The following RBM12B variants were observed in gnomAD, a reference collection of about 807,000 sequenced individuals.
RBM12B encodes RNA binding motif protein 12B.
In RBM12B, 10 loss-of-function variants were observed where a neutral mutation model predicts 34.3. That is an observed-to-expected ratio of 0.29 (90% CI 0.18 to 0.49). RBM12B has a LOEUF of 0.49. RBM12B is among the 20% of genes least tolerant of loss of function. The probability of loss-of-function intolerance (pLI) is 0.99; values close to 1 mark genes in which losing one functional copy is unlikely to be tolerated. For synonymous variants in RBM12B, 477 were observed against 437.1 expected (o/e 1.09, Z -1.14); for missense variants, 1,139 against 1,262.7 (o/e 0.90, Z 1.48).
chr8:93,738,071 C>T (rs892044955), intron 2 of RBM12B, among the ~76,000 whole-genome samples: 2 of 152,154 alleles, frequency 1.3e-5, no homozygotes, highest in Non-Finnish European at 2.9e-5. Flanking sequence ...ATAAACAGCT[C>T]ATACATCCAA....
Position 93,735,328 on chromosome 8 carries a change from T to C in RBM12B, c.1083A>G (p.Lys361=). Residue 361 remains lysine, a synonymous_variant, in exon 4 of 4, where the codon AAA becomes AAG. Transcript: ENST00000520560. ...AACGTGCAATGAACTTCAGCATTTGTTTTCTAGAAATTGGATCAATATGAA... is the reference window on the plus strand; with the variant it reads ...AACGTGCAATGAACTTCAGCATTTGCTTTCTAGAAATTGGATCAATATGAA... ...RPVHIDPISR[K]QMLKFIARYE... The C allele has an allele frequency of 6.2e-7, 1 of 1,614,026 alleles. No homozygotes were observed. The highest frequency in any genetic ancestry group is 8.5e-7 in the Non-Finnish European group (1 of 1,180,020).
In RBM12B at chr8:93,733,664, T is replaced by C. The variant is rs1449863751; in HGVS notation, c.2747A>G (p.Lys916Arg). ...FPEGRFMPDP[K>R]INCGSGRVTP... is the part of the protein sequence containing the mutation. ...TACTCTACCTGAACCACAATTTATT[T>C]TTGGATCAGGCATAAATCTCCCCTC... Residue 916 changes from lysine (K) to arginine (R), a missense_variant, in exon 4 of 4, where the codon AAA becomes AGA. Coordinates refer to ENST00000520560, the MANE Select transcript of RBM12B (RefSeq NM_001377960.1). 88 of 1,613,940 alleles carry C rather than the reference T, an allele frequency of 5.5e-5. No individual in the cohort carries two copies. The highest frequency in any genetic ancestry group is 7.2e-5 in the Non-Finnish European group (85 of 1,180,036).
Position 93,736,452 on chromosome 8 carries a change from G to A in RBM12B, c.-28-14C>T. 6.7e-7 allele frequency: 1 copy of A among 1,501,218 alleles called. No homozygotes were observed. Among genetic ancestry groups the A allele is most frequent in the Non-Finnish European group, 8.8e-7 (1 of 1,133,648 alleles). The allele number at this position is 1,501,218 out of a possible 1,614,324, so 93.0% of individuals were successfully genotyped here. On this transcript the variant is annotated splice_polypyrimidine_tract_variant and intron_variant, in intron 3 of 3. Coordinates refer to ENST00000520560, the MANE Select transcript of RBM12B (RefSeq NM_001377960.1). ...AGCAATAATGACCTGCAGACAAAAA[G>A]GTACACATAATAGCAAGTCTTATTT...
chr8:93,735,290 CTCT>C lies in RBM12B; in HGVS notation c.1118_1120del (p.Lys373del), dbSNP rs764449240. ...CCTATCTCTCTCTAGTGACCCTGAT[CTCT>C]TCTTTTCATAACGTGCAATGAACTT... On this transcript the variant is annotated inframe_deletion, in exon 4 of 4. Transcript: ENST00000520560. 4.3e-6 allele frequency: 7 copies of C among 1,613,972 alleles called. No homozygotes were observed. In the South Asian group the frequency reaches 5.5e-5, roughly 13 times the overall value.
At chr8:93,740,739 G>C (rs1464968207) in intron 1 of RBM12B, 43 bp from the exon 2 acceptor site, 2 of 355,252 alleles carry the variant, frequency 5.6e-6, no homozygotes, top group East Asian at 1.5e-4. Flanking sequence ...AGAAAAGAGG[G>C]TGCCCTAACG....
Position 93,735,347 on chromosome 8 carries a change from A to G in RBM12B, c.1064T>C (p.Ile355Thr). 2 of 1,614,030 alleles carry G rather than the reference A, an allele frequency of 1.2e-6. No individual in the cohort carries two copies. Among genetic ancestry groups the G allele is most frequent in the Admixed American group, 1.7e-5 (1 of 60,032 alleles). ...CATTTGTTTTCTAGAAATTGGATCAATATGAACTGGACGATATTGTAAAAC... is the reference window on the plus strand; with the variant it reads ...CATTTGTTTTCTAGAAATTGGATCAGTATGAACTGGACGATATTGTAAAAC... ...KTVLQYRPVH[I>T]DPISRKQMLK... is the part of the protein sequence containing the mutation. The change falls in exon 4 of 4, where the codon ATT becomes ACT. Residue 355 changes from isoleucine (I) to threonine (T), a missense_variant. Transcript: ENST00000520560.
rs377019938 is a variant in RBM12B at position 93,735,059 on chromosome 8, T to A, written c.1352A>T (p.Glu451Val). 1 of 1,614,068 alleles carries A rather than the reference T, an allele frequency of 6.2e-7. No homozygotes were observed. Among genetic ancestry groups the A allele is most frequent in the Non-Finnish European group, 8.5e-7 (1 of 1,180,050 alleles). ...LGEALVKFKS[E>V]EQAMKAERLN... is the part of the protein sequence containing the mutation. ...ACGTTCAGCTTTCATGGCCTGTTCT[T>A]CTGATTTAAATTTCACTAATGCTTC... The change falls in exon 4 of 4, where the codon GAA becomes GTA. Residue 451 changes from glutamate to valine, a missense_variant. Glu to Val is a moderately radical substitution (Grantham distance 121). Around this residue, in one of 3 missense-constraint regions of RBM12B, gnomAD observed 863 missense variants for 869.5 expected, o/e 0.99. Coordinates refer to ENST00000520560, the MANE Select transcript of RBM12B (RefSeq NM_001377960.1).
chr8:93,734,234 G>C lies in RBM12B; in HGVS notation c.2177C>G (p.Pro726Arg). The change falls in exon 4 of 4, where the codon CCA (proline) becomes CGA (arginine). Residue 726 changes from proline to arginine, a missense_variant. Pro to Arg is a moderately radical substitution (Grantham distance 103, BLOSUM62 -2). Transcript: ENST00000520560. ...RQSPQEHFRR[P>R]PQEHFRRPPP... is the part of the protein sequence containing the mutation. ...TGGCCGACGGAAATGCTCCTGAGGT[G>C]GCCTCCGGAAATGCTCCTGGGGTGA... The C allele has an allele frequency of 2.5e-6, 4 of 1,606,398 alleles. No individual in the cohort carries two copies. The highest frequency in any genetic ancestry group is 2.6e-6 in the Non-Finnish European group (3 of 1,175,554).
rs369223333 is a variant in RBM12B, at chr8:93,733,786, C to T, written c.2625G>A (p.Pro875=). The part of the protein sequence containing the change: ...FRPPGEDFRS[P]PDDFRSHRPF... ...GGCGGTGACTTCTAAAATCATCAGGCGGGCTCCTAAAATCCTCACCAGGAG... is the reference window on the plus strand; with the variant it reads ...GGCGGTGACTTCTAAAATCATCAGGTGGGCTCCTAAAATCCTCACCAGGAG... Residue 875 remains proline (P), a synonymous_variant, in exon 4 of 4, where the codon CCG becomes CCA. Transcript: ENST00000520560. 1.2e-5 allele frequency: 20 copies of T among 1,614,000 alleles called. No homozygotes were observed. Among genetic ancestry groups the T allele is most frequent in the East Asian group, 2.2e-5 (1 of 44,890 alleles).
intron 2 of RBM12B, 67 bp downstream of exon 2, chr8:93,740,562 C>A (rs1052884146): frequency 2.2e-6 from 1 of 455,380 alleles, no homozygotes; most frequent in Non-Finnish European, 4.4e-6. Flanking sequence ...TCAAGCCTAA[C>A]GAGCTGGGCC....
At position 93,734,958 on chromosome 8, in the gene RBM12B, C is replaced by A; in HGVS notation, c.1453G>T (p.Val485Leu). 1 of 1,614,094 alleles carries A rather than the reference C, an allele frequency of 6.2e-7. No individual in the cohort carries two copies. The highest frequency in any genetic ancestry group is 8.5e-7 in the Non-Finnish European group (1 of 1,180,010). The change falls in exon 4 of 4, where the codon GTA (valine) becomes TTA (leucine). Residue 485 changes from valine (V) to leucine (L), a missense_variant. By Grantham distance (32) the Val-to-Leu change is conservative. Transcript: ENST00000520560. ...ISEAQIQEFG[V>L]NFSVMSSEKM... is the part of the protein sequence containing the mutation. ...TCACTGGACATCACAGAAAAATTTA[C>A]ACCAAACTCCTGTATTTGTGCCTCA...
intron 2 of RBM12B, chr8:93,738,916 A>G (rs1272914714): frequency 6.6e-6 from 1 of 152,246 alleles, no homozygotes; most frequent in Admixed American, 6.5e-5. Context: ...ATTAACCAGA[A>G]GCTAAACTAG....
intron 2 of RBM12B, 41 bp downstream of exon 2, chr8:93,740,588 C>T (rs1385729169): frequency 1.3e-5 from 6 of 449,766 alleles, no homozygotes; most frequent in South Asian, 7.8e-5. Flanking sequence ...CGCTTTTCTG[C>T]CACCACTGAC....
rs368945852 is a variant in RBM12B at position 93,734,164 on chromosome 8, C to A, written c.2247G>T (p.Arg749=). 1.3e-5 allele frequency: 20 copies of A among 1,569,568 alleles called. No individual in the cohort carries two copies. The highest frequency in any genetic ancestry group is 5.5e-5 in the African/African-American group (4 of 73,346). Residue 749 remains arginine, a synonymous_variant, in exon 4 of 4, where the codon CGG becomes CGT. Coordinates refer to ENST00000520560, the MANE Select transcript of RBM12B (RefSeq NM_001377960.1). ...FRRPPPEHFR[R]PPPEHFRRPP... is the part of the protein sequence containing the mutation. ...GCCGCCGGAAGTGCTCTGGGGGAGG[C>A]CGCCTAAAATGCTCTGGAGGTGGTC...
Position 93,734,914 on chromosome 8 carries a change from T to C in RBM12B, c.1497A>G (p.Ser499=). The part of the protein sequence containing the change: ...VMSSEKMQAR[S]QSRERGDHSH... ...AATGGTCACCTCGCTCACGTGACTG[T>C]GAGCGAGCTTGCATTTTTTCACTGG... is the stretch of plus-strand genomic sequence containing the variant. The change falls in exon 4 of 4, where the codon TCA becomes TCG. Residue 499 remains serine, a synonymous_variant. Coordinates refer to ENST00000520560, the MANE Select transcript of RBM12B (RefSeq NM_001377960.1). The C allele has an allele frequency of 6.2e-7, 1 of 1,614,098 alleles. No homozygotes were observed. Among genetic ancestry groups the C allele is most frequent in the Non-Finnish European group, 8.5e-7 (1 of 1,179,982 alleles).
Position 93,740,624 on chromosome 8 carries a change from T to TTTTTATTG in RBM12B, c.-78+4_-78+5insCAATAAAA. Reference sequence around the variant, plus strand: ...TACGATGACATAGCAAAGAAAAAAATATACCTATGAAATCCTTCGAGATCT... The same window carrying TTTTTATTG: ...TACGATGACATAGCAAAGAAAAAAATTTTTATTGATACCTATGAAATCCTTCGAGATCT... On this transcript the variant is annotated splice_donor_region_variant and intron_variant, in intron 2 of 3. Transcript: ENST00000520560. The TTTTTATTG allele has an allele frequency of 2.4e-6, 1 of 412,892 alleles. No individual in the cohort carries two copies. Among genetic ancestry groups the TTTTTATTG allele is most frequent in the Non-Finnish European group, 4.8e-6 (1 of 207,264 alleles). 25.6% of individuals were successfully genotyped at this position (412,892 alleles called of 1,614,324 possible). A position where few individuals can be genotyped will look rare whatever the true frequency, so the allele number is the denominator to read the frequency against.
rs1811795978 is a variant in RBM12B, at chr8:93,731,628, G to A, written c.*1777C>T. On this transcript the variant is annotated 3_prime_UTR_variant, in exon 4 of 4. Coordinates refer to ENST00000520560, the MANE Select transcript of RBM12B (RefSeq NM_001377960.1). ...GAAAAGTAACACAAAAATACATATA[G>A]GTAGTAACTAAGTACTGACAAAGTA... is the stretch of plus-strand genomic sequence containing the variant. 1.3e-5 allele frequency: 2 copies of A among 152,036 alleles called. No homozygotes were observed. Among genetic ancestry groups the A allele is most frequent in the South Asian group, 4.1e-4 (2 of 4,822 alleles). The allele number at this position is 152,036 out of a possible 1,614,324, so 9.4% of individuals were successfully genotyped here. A position where few individuals can be genotyped will look rare whatever the true frequency, so the allele number is the denominator to read the frequency against.
chr8:93,739,160 A>T (rs1812115524), intron 2 of RBM12B: 1 of 152,288 alleles, frequency 6.6e-6, no homozygotes, highest in Admixed American at 6.5e-5. Context: ...TCTTTTTAAG[A>T]TATTTTAGAA....
Position 93,731,815 on chromosome 8 carries a change from G to A in RBM12B, c.*1590C>T, listed in dbSNP as rs1483906437. ...CAATCATGTTGAATAAAATAATTTT[G>A]AAATATAAGCCAGTAATATACCATA... On this transcript the variant is annotated 3_prime_UTR_variant, in exon 4 of 4. Coordinates refer to ENST00000520560, the MANE Select transcript of RBM12B (RefSeq NM_001377960.1). The A allele has an allele frequency of 6.6e-6, 1 of 152,294 alleles. No individual in the cohort carries two copies. The highest frequency in any genetic ancestry group is 2.4e-5 in the African/African-American group (1 of 41,356). 9.4% of individuals were successfully genotyped at this position (152,294 alleles called of 1,614,324 possible).
Sources: gnomAD v4.1 joint callset for allele counts (sites outside exome capture counted in the v4.1 genomes callset) on GRCh38, gnomAD v4.1.1 for gene constraint, gnomAD v4.1.1 regional missense constraint, MANE v1.5 for transcripts, NCBI Gene and HGNC (gene_info 2026-07-23, HGNC 2026-07-21) for gene names.